The following VTI1A variants were observed in gnomAD, a reference collection of about 807,000 sequenced individuals.
VTI1A encodes vesicle transport through interaction with t-SNAREs 1A.
A neutral mutation model predicts 34.9 loss-of-function variants in VTI1A; 22 were observed. The ratio of observed to expected loss-of-function variants is 0.63; its 90% CI spans 0.45 to 0.90. The LOEUF (loss-of-function observed/expected upper bound fraction) is 0.90. Ranked by LOEUF, VTI1A falls within the 40% of genes least tolerant of loss-of-function variation. The probability of loss-of-function intolerance (pLI) is 0.00; values close to 1 mark genes in which losing one functional copy is unlikely to be tolerated. For synonymous variants in VTI1A, 87 were observed against 97.3 expected, an observed-to-expected ratio of 0.89 and a Z score of 0.62; for missense variants, 268 against 275.6, an observed-to-expected ratio of 0.97 and a Z score of 0.20.
chr10:112,611,737 A>ATTTTTTTTTT lies in VTI1A; in HGVS notation c.428-56468_428-56459dup, dbSNP rs3057346. 7.8e-4 allele frequency among the ~76,000 whole-genome samples: 79 copies of ATTTTTTTTTT among 100,796 alleles called. 7 individuals carry two copies. Among genetic ancestry groups the ATTTTTTTTTT allele is most frequent in the African/African-American group, 2.6e-3 (58 of 22,358 alleles). The allele number at this position is 100,796 out of a possible 152,430, so 66.1% of individuals were successfully genotyped here. On this transcript the variant is annotated intron_variant, in intron 5 of 7. Transcript: ENST00000393077. ...TAAAGCCCATTTGGTGAGAAAGGTA[A>ATTTTTTTTTT]TTTTTTTTTTTTTTTTTTTTTTGTG...
At chr10:112,469,839 CCTT>C (rs966016293) in intron 3 of VTI1A, among the ~76,000 whole-genome samples, 10 of 152,162 alleles carry the variant, frequency 6.6e-5, no homozygotes, top group Non-Finnish European at 1.3e-4. Flanking sequence ...TTCTGGAGCT[CCTT>C]CTCTTTGTGG....
intron 5 of VTI1A, among the ~76,000 whole-genome samples, chr10:112,608,531 G>A (rs1845174674): frequency 6.6e-6 from 1 of 152,230 alleles, no homozygotes; most frequent in South Asian, 2.1e-4. Context: ...ATGTAGACAT[G>A]TGGGCAAATA....
chr10:112,715,861 G>A (rs986275021), intron 7 of VTI1A, among the ~76,000 whole-genome samples: 3 of 152,170 alleles, frequency 2.0e-5, no homozygotes, highest in Admixed American at 6.5e-5. Context: ...TGGTGTATTC[G>A]CAGACTTGTT....
chr10:112,776,532 G>A (rs1052344931), intron 7 of VTI1A, among the ~76,000 whole-genome samples: 6 of 151,994 alleles, frequency 3.9e-5, no homozygotes, highest in African/African-American at 1.2e-4. Flanking sequence ...CCGTCTATCC[G>A]GCCTCCCATC....
chr10:112,474,259 G>A (rs532733468), intron 3 of VTI1A, among the ~76,000 whole-genome samples: 11 of 151,986 alleles, frequency 7.2e-5, no homozygotes, highest in Non-Finnish European at 1.2e-4. Flanking sequence ...TAGAGACGAG[G>A]TTTCACTGTG....
At chr10:112,591,013 A>T (rs746927480) in intron 5 of VTI1A, among the ~76,000 whole-genome samples, 1 of 152,204 alleles carries the variant, frequency 6.6e-6, no homozygotes, top group Non-Finnish European at 1.5e-5. Context: ...AGGCAAGAGA[A>T]TCGCTTGAAC....
At chr10:112,751,381 C>T (rs1851097996) in intron 7 of VTI1A, among the ~76,000 whole-genome samples, 1 of 150,948 alleles carries the variant, frequency 6.6e-6, no homozygotes, top group African/African-American at 2.4e-5. Context: ...TCACATCTGG[C>T]ATGGCCAGGC....
intron 4 of VTI1A, among the ~76,000 whole-genome samples, chr10:112,535,180 T>C (rs769820270): frequency 6.6e-6 from 1 of 152,234 alleles, no homozygotes; most frequent in Non-Finnish European, 1.5e-5. Context: ...AATTCATGTT[T>C]CTGAAACTGT....
At chr10:112,711,681 C>G (rs1302261506) in intron 7 of VTI1A, among the ~76,000 whole-genome samples, 2 of 152,140 alleles carry the variant, frequency 1.3e-5, no homozygotes, top group African/African-American at 4.8e-5. Context: ...TTGTGGGGAA[C>G]AAGATGGAGA....
the VTI1A span, among the ~76,000 whole-genome samples, chr10:112,829,910 A>G: frequency 2.1e-4 from 32 of 152,220 alleles, no homozygotes; most frequent in Non-Finnish European, 4.3e-4. Flanking sequence ...CAGTCTGTGC[A>G]CAATGCTTGA....
At chr10:112,511,173 C>T (rs1044252355) in intron 3 of VTI1A, among the ~76,000 whole-genome samples, 1 of 151,770 alleles carries the variant, frequency 6.6e-6, no homozygotes, top group African/African-American at 2.4e-5. Flanking sequence ...CGGGGTTTAC[C>T]TTTTGTTAGC....
chr10:112,687,971 T>A (rs1451125402), intron 7 of VTI1A, among the ~76,000 whole-genome samples: 1 of 149,272 alleles, frequency 6.7e-6, no homozygotes. Context: ...TTTTTTTTTT[T>A]AAGACTGGGT....
rs947496898 is a variant in VTI1A, at chr10:112,710,795, A to T, written c.560+41797A>T. On this transcript the variant is annotated intron_variant, in intron 7 of 7. Coordinates refer to ENST00000393077, the MANE Select transcript of VTI1A (RefSeq NM_145206.4). ...TCTCAGTCAGTCTGCATTGTTGTCCATGTGTATCTGTGTGTGTGTGTGTAT... is the reference window on the plus strand; with the variant it reads ...TCTCAGTCAGTCTGCATTGTTGTCCTTGTGTATCTGTGTGTGTGTGTGTAT... 1.1e-4 allele frequency among the ~76,000 whole-genome samples: 16 copies of T among 151,858 alleles called. No individual in the cohort carries two copies. In the East Asian group the frequency reaches 3.1e-3, roughly 29 times the overall value.
intron 3 of VTI1A, among the ~76,000 whole-genome samples, chr10:112,518,660 T>C (rs543083922): frequency 6.8e-5 from 10 of 146,666 alleles, no homozygotes; most frequent in African/African-American, 2.5e-4. Context: ...TGTATATATA[T>C]ATATATATAC....
chr10:112,807,725 C>T (rs963132145), intron 7 of VTI1A, among the ~76,000 whole-genome samples: 2 of 152,038 alleles, frequency 1.3e-5, no homozygotes, highest in Non-Finnish European at 2.9e-5. Flanking sequence ...TGGTGGCACA[C>T]GCCTGTAATC....
intron 5 of VTI1A, among the ~76,000 whole-genome samples, chr10:112,667,604 C>A (rs1473573648): frequency 6.6e-6 from 1 of 152,176 alleles, no homozygotes; most frequent in Admixed American, 6.6e-5. Flanking sequence ...CATGAGCTCT[C>A]TTCAACTACT....
chr10:112,662,365 C>T (rs1486683323), intron 5 of VTI1A, among the ~76,000 whole-genome samples: 1 of 152,012 alleles, frequency 6.6e-6, no homozygotes, highest in Non-Finnish European at 1.5e-5. Context: ...TTTTTTTCCT[C>T]CTTCAGTTTG....
At chr10:112,588,303 G>GT (rs1036189752) in intron 5 of VTI1A, among the ~76,000 whole-genome samples, 13 of 151,202 alleles carry the variant, frequency 8.6e-5, no homozygotes, top group Non-Finnish European at 1.5e-4. Flanking sequence ...CCATTATGAA[G>GT]TTTTTTTTTC....
At chr10:112,625,229 A>T (rs1845878435) in intron 5 of VTI1A, among the ~76,000 whole-genome samples, 1 of 152,284 alleles carries the variant, frequency 6.6e-6, no homozygotes, top group Non-Finnish European at 1.5e-5. Context: ...CTGAAAGCAC[A>T]GCAGCAGCCA....
Sources: allele counts gnomAD v4.1 joint callset (sites outside exome capture counted in the v4.1 genomes callset), GRCh38; gene constraint gnomAD v4.1.1; transcripts MANE v1.5; gene names NCBI Gene and HGNC (gene_info 2026-07-23, HGNC 2026-07-21).